The following SLC24A2 variants were observed in gnomAD, a reference collection of about 807,000 sequenced individuals.
SLC24A2 encodes the protein solute carrier family 24 member 2.
SLC24A2 carries 36 observed loss-of-function variants against 62.0 expected under a neutral mutation model. The observed-to-expected ratio is 0.58, with a 90% CI of 0.44 to 0.77. The LOEUF (loss-of-function observed/expected upper bound fraction) is 0.77. SLC24A2 is among the 30% of genes least tolerant of loss of function. SLC24A2 has a pLI of 0.00. For synonymous variants in SLC24A2, 358 were observed against 294.0 expected (o/e 1.22, Z -2.23); for missense variants, 846 against 817.9 (o/e 1.03, Z -0.42).
At chr9:19,826,617 G>A in the SLC24A2 span, among the ~76,000 whole-genome samples, 1 of 152,156 alleles carries the variant, frequency 6.6e-6, no homozygotes, top group African/African-American at 2.4e-5. Context: ...TTCTTCTGGA[G>A]GGGACAAACA....
chr9:20,260,170 G>A, the SLC24A2 span, among the ~76,000 whole-genome samples: 1 of 152,214 alleles, frequency 6.6e-6, no homozygotes, highest in African/African-American at 2.4e-5. Context: ...TGAGCTTAGT[G>A]CCATTTTAAA....
chr9:20,097,607 G>C, the SLC24A2 span, among the ~76,000 whole-genome samples: 2 of 151,782 alleles, frequency 1.3e-5, no homozygotes. Context: ...ACTTCTTACA[G>C]GTTGGACTGG....
the SLC24A2 span, among the ~76,000 whole-genome samples, chr9:20,055,683 T>C: frequency 1.2e-3 from 182 of 151,904 alleles, 2 homozygotes; most frequent in African/African-American, 4.2e-3. Context: ...AGCTCAGGAG[T>C]TCAAGACCAC....
chr9:19,931,101 C>T, the SLC24A2 span, among the ~76,000 whole-genome samples: 1 of 152,082 alleles, frequency 6.6e-6, no homozygotes, highest in Non-Finnish European at 1.5e-5. Flanking sequence ...AGCAAAACCT[C>T]ATTAAACAAA....
chr9:20,246,898 G>A, the SLC24A2 span, among the ~76,000 whole-genome samples: 1 of 152,216 alleles, frequency 6.6e-6, no homozygotes, highest in African/African-American at 2.4e-5. Context: ...CAACACCAAT[G>A]CAACTACTGA....
At chr9:20,095,357 G>C in the SLC24A2 span, among the ~76,000 whole-genome samples, 15 of 152,314 alleles carry the variant, frequency 9.8e-5, no homozygotes, top group African/African-American at 3.1e-4. Context: ...AGGGTGCCTA[G>C]ATATTTGGTC....
chr9:20,230,867 G>A, the SLC24A2 span, among the ~76,000 whole-genome samples: 1 of 152,240 alleles, frequency 6.6e-6, no homozygotes, highest in East Asian at 1.9e-4. Flanking sequence ...ATGGTTTTAG[G>A]TCTAACATGT....
At chr9:20,010,471 C>T in the SLC24A2 span, among the ~76,000 whole-genome samples, 211 of 151,696 alleles carry the variant, frequency 1.4e-3, no homozygotes, top group Middle Eastern at 3.4e-3. Flanking sequence ...TTCAGGGAAC[C>T]ATAAAAAAAT....
At chr9:19,926,409 G>C in the SLC24A2 span, 1 of 152,194 alleles carries the variant, frequency 6.6e-6, no homozygotes, top group Non-Finnish European at 1.5e-5. Context: ...GATGACCCTG[G>C]CTCTCCCGCG....
the SLC24A2 span, among the ~76,000 whole-genome samples, chr9:20,279,262 G>C: frequency 6.6e-6 from 1 of 152,332 alleles, no homozygotes; most frequent in Non-Finnish European, 1.5e-5. Flanking sequence ...CAGACATGGT[G>C]GCTCATGCCT....
the SLC24A2 span, among the ~76,000 whole-genome samples, chr9:20,073,915 G>T: frequency 9.6e-6 from 1 of 103,778 alleles, no homozygotes; most frequent in South Asian, 4.1e-4. Context: ...TATCCTTGTG[G>T]GGAGATATAT....
the SLC24A2 span, among the ~76,000 whole-genome samples, chr9:20,112,266 T>C: frequency 2.0e-5 from 3 of 152,206 alleles, no homozygotes; most frequent in Non-Finnish European, 2.9e-5. Context: ...CAATCCTCGA[T>C]AATTTTCGAC....
chr9:19,758,666 G>C (rs13291772), intron 2 of SLC24A2, among the ~76,000 whole-genome samples: 36,176 of 152,010 alleles, frequency 0.24, 4,476 homozygotes, highest in South Asian at 0.36. Context: ...AAAGGTTTTT[G>C]AACGGGATTG....
chr9:19,796,367 T>A, the SLC24A2 span, among the ~76,000 whole-genome samples: 1 of 152,244 alleles, frequency 6.6e-6, no homozygotes, highest in Non-Finnish European at 1.5e-5. Flanking sequence ...ACATGTCAGT[T>A]GAACTTCCTG....
At chr9:19,812,783 ATT>A in the SLC24A2 span, among the ~76,000 whole-genome samples, 79 of 151,730 alleles carry the variant, frequency 5.2e-4, 3 homozygotes, top group African/African-American at 1.9e-3. Flanking sequence ...AGTATTCACC[ATT>A]TTTTTTTGAC....
the SLC24A2 span, among the ~76,000 whole-genome samples, chr9:20,225,405 G>T: frequency 4.0e-5 from 6 of 150,026 alleles, no homozygotes; most frequent in Admixed American, 4.0e-4. Context: ...GAGGAGGAAG[G>T]GAATGAAAGT....
At chr9:20,120,543 C>G in the SLC24A2 span, among the ~76,000 whole-genome samples, 1 of 152,080 alleles carries the variant, frequency 6.6e-6, no homozygotes, top group South Asian at 2.1e-4. Context: ...ACACTAGGGC[C>G]TACTTGAAGG....
At chr9:19,855,593 C>T in the SLC24A2 span, among the ~76,000 whole-genome samples, 1 of 152,278 alleles carries the variant, frequency 6.6e-6, no homozygotes, top group South Asian at 2.1e-4. Context: ...AAATTCTTTT[C>T]TTCAAGAATG....
At chr9:20,216,130 G>A in the SLC24A2 span, among the ~76,000 whole-genome samples, 1 of 152,106 alleles carries the variant, frequency 6.6e-6, no homozygotes, top group African/African-American at 2.4e-5. Flanking sequence ...TATTTCCCTT[G>A]CAATATTAGC....
Sources: gnomAD v4.1 joint callset for allele counts (sites outside exome capture counted in the v4.1 genomes callset) on GRCh38, gnomAD v4.1.1 for gene constraint, MANE v1.5 for transcripts, NCBI Gene and HGNC (gene_info 2026-07-23, HGNC 2026-07-21) for gene names.